The following SCUBE1 variants were observed in gnomAD, a reference collection of about 807,000 sequenced individuals.
SCUBE1 encodes signal peptide, CUB and EGF-like domain-containing protein 1.
Under a neutral mutation model 124.4 loss-of-function variants are expected in SCUBE1, and 59 were observed. The ratio of observed to expected loss-of-function variants is 0.47; its 90% CI spans 0.38 to 0.59. The LOEUF (loss-of-function observed/expected upper bound fraction) is 0.59, where lower values mean the gene tolerates loss of function less well. Among genes scored for constraint, SCUBE1 ranks in the 20% least tolerant of loss-of-function variants. The probability of loss-of-function intolerance (pLI) is 0.00; values close to 1 mark genes in which losing one functional copy is unlikely to be tolerated. For synonymous variants in SCUBE1, 545 were observed against 550.9 expected, an observed-to-expected ratio of 0.99 and a Z score of 0.15; for missense variants, 1,150 against 1,371.2, an observed-to-expected ratio of 0.84 and a Z score of 2.55.
At chr22:43,218,566 C>T (rs1921942007) in intron 14 of SCUBE1, 108 bp from the exon 15 acceptor site, 2 of 1,117,328 alleles carry the variant, frequency 1.8e-6, no homozygotes, top group East Asian at 5.0e-5. Flanking sequence ...CTCGGACCTC[C>T]TCAGCACATT....
chr22:43,269,332 G>A (rs1421536699), intron 4 of SCUBE1, among the ~76,000 whole-genome samples: 1 of 152,126 alleles, frequency 6.6e-6, no homozygotes, highest in African/African-American at 2.4e-5. Context: ...AGAGAGAAAC[G>A]ATGGCATGGT....
At chr22:43,245,539 G>A (rs1050234515) in intron 6 of SCUBE1, among the ~76,000 whole-genome samples, 2 of 152,176 alleles carry the variant, frequency 1.3e-5, no homozygotes, top group Non-Finnish European at 2.9e-5. Flanking sequence ...AGGAGAACAC[G>A]GGACAGGACA....
At chr22:43,285,696 G>A (rs76645605) in intron 4 of SCUBE1, among the ~76,000 whole-genome samples, 14 of 152,240 alleles carry the variant, frequency 9.2e-5, no homozygotes, top group African/African-American at 3.1e-4. Context: ...CAGGGCCCTG[G>A]TGCTCCCTCT....
intron 3 of SCUBE1, among the ~76,000 whole-genome samples, chr22:43,300,508 C>T (rs1463025457): frequency 6.6e-6 from 1 of 152,086 alleles, no homozygotes; most frequent in African/African-American, 2.4e-5. Context: ...GAAACAGTCA[C>T]AAAGACTCCA....
At position 43,258,945 on chromosome 22, in the gene SCUBE1, T is replaced by C. The variant is rs733182; in HGVS notation, c.611-610A>G. On this transcript the variant is annotated intron_variant, in intron 5 of 21. Transcript: ENST00000360835. This position sits in a 1 kb window ranked among gnomAD's most constrained non-coding sequence, Gnocchi z 5.0. ...GAACAGACAGACTCATGCAAGTTAATGTCATCTGAGGTACGGTTTTGAAAA... is the reference window on the plus strand; with the variant it reads ...GAACAGACAGACTCATGCAAGTTAACGTCATCTGAGGTACGGTTTTGAAAA... Among the ~76,000 whole-genome samples the C allele has an allele frequency of 0.18, 27,674 of 152,188 alleles. 3,088 individuals carry two copies. The highest frequency in any genetic ancestry group is 0.42 in the East Asian group (2,164 of 5,154).
intron 6 of SCUBE1, among the ~76,000 whole-genome samples, chr22:43,256,608 G>C (rs1483866730): frequency 6.6e-6 from 1 of 152,196 alleles, no homozygotes; most frequent in East Asian, 1.9e-4. Context: ...ACATGCAGTA[G>C]ACATCAAAAA....
intron 2 of SCUBE1, among the ~76,000 whole-genome samples, chr22:43,329,829 A>T (rs57698971): frequency 0.024 from 3,661 of 152,296 alleles, 108 homozygotes; most frequent in African/African-American, 0.069. Context: ...TTTCAGTAGC[A>T]TTCAAAGGCA....
Position 43,320,037 on chromosome 22 carries a change from G to A in SCUBE1, c.249C>T (p.Tyr83=). Residue 83 remains tyrosine (Y), a synonymous_variant, in exon 3 of 22, where the codon TAC becomes TAT. Coordinates refer to ENST00000360835, the MANE Select transcript of SCUBE1 (RefSeq NM_173050.5). ...TGCACTCGTGGACACAGCCCCCATTGTAGTAGTCATTCTCACACTCGTCAA... is the reference window on the plus strand; with the variant it reads ...TGCACTCGTGGACACAGCCCCCATTATAGTAGTCATTCTCACACTCGTCAA... ...EDIDECENDY[Y]NGGCVHECIN... The A allele has an allele frequency of 6.2e-7, 1 of 1,614,124 alleles. No individual in the cohort carries two copies. The highest frequency in any genetic ancestry group is 1.1e-5 in the South Asian group (1 of 91,076).
At chr22:43,208,307 CA>C in intron 19 of SCUBE1, 83 bp from the exon 20 acceptor site, 2 of 1,310,156 alleles carry the variant, frequency 1.5e-6, no homozygotes, top group South Asian at 2.4e-5. Context: ...TCCAGTCCAC[CA>C]CCCAGCACCT....
chr22:43,226,316 A>G (rs953799945), intron 10 of SCUBE1, among the ~76,000 whole-genome samples: 1 of 152,100 alleles, frequency 6.6e-6, no homozygotes, highest in East Asian at 1.9e-4. Flanking sequence ...CTGGAAGCAC[A>G]GGGGGCCCAG....
chr22:43,245,597 G>A (rs971571805), intron 6 of SCUBE1, among the ~76,000 whole-genome samples: 5 of 152,164 alleles, frequency 3.3e-5, no homozygotes, highest in Non-Finnish European at 5.9e-5. Context: ...CTAAGGCTGC[G>A]GGGCCCCAAC....
chr22:43,255,652 G>A lies in SCUBE1; in HGVS notation c.727+2567C>T. On this transcript the variant is annotated intron_variant, in intron 6 of 21. Transcript: ENST00000360835. The surrounding 1 kb of genome is among the most constrained non-coding windows in gnomAD (Gnocchi z 4.7). Reference sequence around the variant, plus strand: ...CACTTCCCGCGGCCCAAGACAGTCAGCCTCTCGGCGTGGCGCACGCAAAGC... The same window carrying A: ...CACTTCCCGCGGCCCAAGACAGTCAACCTCTCGGCGTGGCGCACGCAAAGC... The A allele has an allele frequency of 1.5e-6, 2 of 1,297,790 alleles. No individual in the cohort carries two copies. Among genetic ancestry groups the A allele is most frequent in the Non-Finnish European group, 2.2e-6 (2 of 920,506 alleles). The allele number at this position is 1,297,790 out of a possible 1,614,324, so 80.4% of individuals were successfully genotyped here. A position where few individuals can be genotyped will look rare whatever the true frequency, so the allele number is the denominator to read the frequency against.
intron 3 of SCUBE1, among the ~76,000 whole-genome samples, chr22:43,317,814 A>G (rs955005288): frequency 6.6e-6 from 1 of 152,230 alleles, no homozygotes; most frequent in African/African-American, 2.4e-5. Flanking sequence ...TGTTGGAAAT[A>G]AGGTCTTGGC....
chr22:43,231,299 C>CTA (rs1922541561), intron 8 of SCUBE1, among the ~76,000 whole-genome samples: 1 of 152,256 alleles, frequency 6.6e-6, no homozygotes, highest in South Asian at 2.1e-4. Context: ...CTGGATCCCA[C>CTA]TAGACTCTTC....
intron 4 of SCUBE1, among the ~76,000 whole-genome samples, chr22:43,276,623 C>A (rs12484747): frequency 6.6e-6 from 1 of 152,076 alleles, no homozygotes; most frequent in Non-Finnish European, 1.5e-5. Context: ...GGCATCTGCC[C>A]GGTGGTTTCC....
At position 43,290,270 on chromosome 22, in the gene SCUBE1, C is replaced by T. The variant is rs1925308202; in HGVS notation, c.484+776G>A. 2.0e-5 allele frequency among the ~76,000 whole-genome samples: 3 copies of T among 151,758 alleles called. No individual in the cohort carries two copies. The South Asian group carries it at 6.3e-4, about 32-fold the overall frequency. ...CCAAGCACATGTGTCCTGGCCCTCTCCTCCAAGCACATGTGTCCTGGCTCT... is the reference window on the plus strand; with the variant it reads ...CCAAGCACATGTGTCCTGGCCCTCTTCTCCAAGCACATGTGTCCTGGCTCT... On this transcript the variant is annotated intron_variant, in intron 4 of 21. Transcript: ENST00000360835.
chr22:43,245,613 T>C (rs571768271), intron 6 of SCUBE1, among the ~76,000 whole-genome samples: 1 of 152,256 alleles, frequency 6.6e-6, no homozygotes, highest in South Asian at 2.1e-4. Flanking sequence ...CCAACGCCCA[T>C]GATCCCCAAG....
At chr22:43,281,439 C>T (rs1310254944) in intron 4 of SCUBE1, among the ~76,000 whole-genome samples, 6 of 63,548 alleles carry the variant, frequency 9.4e-5, no homozygotes, top group African/African-American at 2.5e-4. Context: ...CCTCCCTTGG[C>T]CACCCTCCTG....
chr22:43,325,074 G>A (rs1423890051), intron 2 of SCUBE1, among the ~76,000 whole-genome samples: 2 of 151,486 alleles, frequency 1.3e-5, no homozygotes, highest in African/African-American at 2.4e-5. Flanking sequence ...GAAGGCAGCC[G>A]TGGGATGATG....
Sources: allele counts gnomAD v4.1 joint callset (sites outside exome capture counted in the v4.1 genomes callset), GRCh38; gene constraint gnomAD v4.1.1; non-coding constraint Gnocchi (gnomAD v3.1); transcripts MANE v1.5; gene names NCBI Gene and HGNC (gene_info 2026-07-23, HGNC 2026-07-21).